PLEKHA6: variants seen among roughly 807,000 people sequenced by gnomAD.
The protein encoded by PLEKHA6 is pleckstrin homology domain containing A6.
A neutral mutation model predicts 116.7 loss-of-function variants in PLEKHA6; 60 were observed. The ratio of observed to expected loss-of-function variants is 0.51; its 90% CI spans 0.42 to 0.64. PLEKHA6 has a LOEUF of 0.64. PLEKHA6 is among the 30% of genes least tolerant of loss of function. The pLI is 0.00. For synonymous variants in PLEKHA6, 489 were observed against 556.1 expected (o/e 0.88, Z 1.70); for missense variants, 1,338 against 1,422.7 (o/e 0.94, Z 0.96).
intron 21 of PLEKHA6, among the ~76,000 whole-genome samples, chr1:204,225,957 G>A (rs759736712): frequency 2.0e-5 from 3 of 152,188 alleles, no homozygotes; most frequent in Admixed American, 2.0e-4. Context: ...TGCACGCACC[G>A]GGTGGATTTG....
intron 21 of PLEKHA6, among the ~76,000 whole-genome samples, chr1:204,225,410 C>G (rs983754022): frequency 1.3e-5 from 2 of 152,178 alleles, no homozygotes; most frequent in Non-Finnish European, 2.9e-5. Context: ...GTGAATCATA[C>G]AGATGTGATA....
intron 13 of PLEKHA6, among the ~76,000 whole-genome samples, chr1:204,245,976 AGGAC>A (rs531630068): frequency 5.5e-4 from 83 of 152,270 alleles, no homozygotes; most frequent in South Asian, 1.9e-3. Context: ...ACCAAGACTG[AGGAC>A]GCACCCTTCC....
chr1:204,359,126 C>T (rs150610768), intron 1 of PLEKHA6, among the ~76,000 whole-genome samples: 1,602 of 152,192 alleles, frequency 0.011, 25 homozygotes, highest in African/African-American at 0.036. Context: ...TTCAAGAGCT[C>T]CCCACTAAAT....
intron 1 of PLEKHA6, among the ~76,000 whole-genome samples, chr1:204,334,121 A>G (rs1306531162): frequency 6.6e-6 from 1 of 152,160 alleles, no homozygotes; most frequent in Non-Finnish European, 1.5e-5. Flanking sequence ...GATGATATAC[A>G]AGTGCAGTAA....
chr1:204,303,291 T>C (rs1422749621), intron 1 of PLEKHA6, among the ~76,000 whole-genome samples: 1 of 152,056 alleles, frequency 6.6e-6, no homozygotes, highest in Non-Finnish European at 1.5e-5. Context: ...CCTCTCACCC[T>C]CTCCCCACAG....
intron 5 of PLEKHA6, among the ~76,000 whole-genome samples, chr1:204,266,700 C>T (rs553166328): frequency 2.2e-4 from 34 of 152,344 alleles, no homozygotes; most frequent in Middle Eastern, 6.8e-3. Flanking sequence ...CACTGAATTG[C>T]TCCCACGAGG....
chr1:204,322,561 T>C (rs780677688), intron 1 of PLEKHA6, among the ~76,000 whole-genome samples: 2 of 152,212 alleles, frequency 1.3e-5, no homozygotes, highest in Non-Finnish European at 2.9e-5. Context: ...ACTGGCTGCT[T>C]AGCCGGTGGT....
chr1:204,227,998 C>G (rs776665728), intron 21 of PLEKHA6, 85 bp downstream of exon 21: 13 of 1,372,168 alleles, frequency 9.5e-6, no homozygotes, highest in African/African-American at 1.4e-5. Flanking sequence ...GCTACTGCCC[C>G]CCTTGTAGCA....
rs764508901 is a variant in PLEKHA6 at position 204,257,714 on chromosome 1, G to T, written c.1163C>A (p.Ala388Asp). 5.0e-6 allele frequency: 8 copies of T among 1,612,762 alleles called. No individual in the cohort carries two copies. Among genetic ancestry groups the T allele is most frequent in the Non-Finnish European group, 6.8e-6 (8 of 1,179,522 alleles). ...PAYDRISPPW[A>D]LEDKRHAFRN... ...GAAGGCATGGCGCTTGTCCTCCAGG[G>T]CCCAGGGCGGGCTGATCCGATCATA... is the stretch of plus-strand genomic sequence containing the variant. Residue 388 changes from alanine (A) to aspartate (D), a missense_variant, in exon 9 of 23, where the codon GCC (alanine) becomes GAC (aspartate). Coordinates refer to ENST00000272203, the MANE Select transcript of PLEKHA6 (RefSeq NM_014935.5). The surrounding 1 kb of genome is among the most constrained non-coding windows in gnomAD (Gnocchi z 6.5).
intron 1 of PLEKHA6, among the ~76,000 whole-genome samples, chr1:204,335,448 G>A (rs1672612825): frequency 6.6e-6 from 1 of 152,128 alleles, no homozygotes; most frequent in Non-Finnish European, 1.5e-5. Context: ...GTAGGGGACA[G>A]GGAGGGAGGC....
chr1:204,238,930 G>A lies in PLEKHA6; in HGVS notation c.2409+2445C>T, dbSNP rs1029205049. Among the ~76,000 whole-genome samples the A allele has an allele frequency of 2.0e-5, 3 of 152,220 alleles. No individual in the cohort carries two copies. The highest frequency in any genetic ancestry group is 4.8e-5 in the African/African-American group (2 of 41,442). The stretch of plus-strand genomic sequence containing the variant: ...TGGAAGGAGAAATGGCCAGATGTGC[G>A]ATTATATACTGATTCATGGGCTGTA... On this transcript the variant is annotated intron_variant, in intron 17 of 22. Coordinates refer to ENST00000272203, the MANE Select transcript of PLEKHA6 (RefSeq NM_014935.5). The surrounding 1 kb of genome is among the most constrained non-coding windows in gnomAD (Gnocchi z 4.2).
intron 3 of PLEKHA6, among the ~76,000 whole-genome samples, chr1:204,365,635 C>T (rs1186757583): frequency 6.6e-6 from 1 of 152,160 alleles, no homozygotes; most frequent in African/African-American, 2.4e-5. Flanking sequence ...AAGCAGAAAT[C>T]AATTATGCCT....
At chr1:204,301,136 T>C (rs997895745) in intron 1 of PLEKHA6, 2 of 480,306 alleles carry the variant, frequency 4.2e-6, no homozygotes, top group African/African-American at 2.1e-5. Flanking sequence ...CACTTTACCA[T>C]TCTAAAATCC....
intron 17 of PLEKHA6, among the ~76,000 whole-genome samples, chr1:204,234,970 AT>A (rs1307558325): frequency 0.059 from 742 of 12,610 alleles, 73 homozygotes; most frequent in African/African-American, 0.24. Context: ...ATATATATAT[AT>A]ATATATATAT....
chr1:204,236,812 T>C (rs1031954542), intron 17 of PLEKHA6, among the ~76,000 whole-genome samples: 1 of 152,202 alleles, frequency 6.6e-6, no homozygotes, highest in African/African-American at 2.4e-5. Context: ...AAAAGACTAA[T>C]TTGAATTATA....
chr1:204,295,935 G>A (rs1412337999), intron 1 of PLEKHA6, among the ~76,000 whole-genome samples: 1 of 152,134 alleles, frequency 6.6e-6, no homozygotes, highest in African/African-American at 2.4e-5. Context: ...AACTCAAGAA[G>A]CTCCAAACCG....
intron 14 of PLEKHA6, 95 bp downstream of exon 14, chr1:204,245,520 C>T: frequency 1.3e-6 from 1 of 761,258 alleles, no homozygotes; most frequent in Non-Finnish European, 2.3e-6. Flanking sequence ...GCTCTGAACA[C>T]AGTGTGAGCT....
intron 1 of PLEKHA6, among the ~76,000 whole-genome samples, chr1:204,284,787 C>T (rs1205815062): frequency 2.0e-5 from 3 of 152,144 alleles, no homozygotes; most frequent in Non-Finnish European, 2.9e-5. Context: ...TGGTAACTGA[C>T]CACTACTGAG....
Position 204,325,961 on chromosome 1 carries a change from G to A in PLEKHA6, c.-95+33733C>T, listed in dbSNP as rs1405457753. Reference sequence around the variant, plus strand: ...TATAGACTGGGCTGAACACAAAAGGGGCAGAGTCCCTCTGCCCACAGCAAG... The same window carrying A: ...TATAGACTGGGCTGAACACAAAAGGAGCAGAGTCCCTCTGCCCACAGCAAG... On this transcript the variant is annotated intron_variant, in intron 1 of 22. Transcript: ENST00000272203. 6.2e-6 allele frequency: 6 copies of A among 968,672 alleles called. No individual in the cohort carries two copies. The South Asian group carries it at 1.9e-4, about 31-fold the overall frequency. The allele number at this position is 968,672 out of a possible 1,614,324, so 60.0% of individuals were successfully genotyped here. A position where few individuals can be genotyped will look rare whatever the true frequency, so the allele number is the denominator to read the frequency against.
Sources: gnomAD v4.1 joint callset for allele counts (sites outside exome capture counted in the v4.1 genomes callset) on GRCh38, gnomAD v4.1.1 for gene constraint, Gnocchi (gnomAD v3.1) non-coding constraint, MANE v1.5 for transcripts, NCBI Gene and HGNC (gene_info 2026-07-23, HGNC 2026-07-21) for gene names.